FERRY3: variants seen among roughly 807,000 people sequenced by gnomAD.
The protein encoded by FERRY3 is FERRY endosomal RAB5 effector complex subunit 3.
chr12:4,515,396 A>C, the FERRY3 span, among the ~76,000 whole-genome samples: 2 of 152,240 alleles, frequency 1.3e-5, no homozygotes, highest in Non-Finnish European at 2.9e-5. Flanking sequence ...CACAATAATC[A>C]AGATACTAAA....
At chr12:4,497,953 T>C in the FERRY3 span, among the ~76,000 whole-genome samples, 1 of 152,206 alleles carries the variant, frequency 6.6e-6, no homozygotes, top group Admixed American at 6.5e-5. Context: ...ATTACCTCTA[T>C]ATCCTGTGTA....
chr12:4,523,447 A>G, the FERRY3 span, among the ~76,000 whole-genome samples: 2 of 152,242 alleles, frequency 1.3e-5, no homozygotes, highest in African/African-American at 4.8e-5. Context: ...TGACCCGGCC[A>G]TCCCATTACT....
At chr12:4,491,134 A>C in the FERRY3 span, 2 of 1,584,676 alleles carry the variant, frequency 1.3e-6, no homozygotes, top group South Asian at 2.2e-5. Flanking sequence ...AATGTTTGGG[A>C]GGAAATACAG....
the FERRY3 span, among the ~76,000 whole-genome samples, chr12:4,533,770 A>G: frequency 6.6e-6 from 1 of 152,242 alleles, no homozygotes; most frequent in African/African-American, 2.4e-5. Flanking sequence ...ACACTCACTT[A>G]AATTAGAATT....
the FERRY3 span, among the ~76,000 whole-genome samples, chr12:4,528,626 A>G: frequency 5.0e-4 from 76 of 152,276 alleles, no homozygotes; most frequent in African/African-American, 1.5e-3. Flanking sequence ...TAAGTGGTCC[A>G]GAGGAGTACA....
chr12:4,532,717 A>AT, the FERRY3 span, among the ~76,000 whole-genome samples: 2,140 of 151,358 alleles, frequency 0.014, 54 homozygotes, highest in African/African-American at 0.049. Context: ...CAATGTTTTC[A>AT]TTTTTTTTTA....
the FERRY3 span, among the ~76,000 whole-genome samples, chr12:4,501,282 C>G: frequency 2.0e-5 from 3 of 152,154 alleles, no homozygotes; most frequent in Admixed American, 1.3e-4. Flanking sequence ...ACTTGTCCAC[C>G]TACATACCAA....
the FERRY3 span, chr12:4,491,371 T>G: frequency 7.5e-6 from 5 of 667,038 alleles, no homozygotes; most frequent in South Asian, 1.1e-4. Flanking sequence ...CCAACTGGAT[T>G]TCCTCTAGTT....
chr12:4,500,055 T>C, the FERRY3 span: 1 of 1,326,428 alleles, frequency 7.5e-7, no homozygotes, highest in Non-Finnish European at 1.1e-6. Context: ...AAATGTAAAG[T>C]GGATTATTAT....
the FERRY3 span, among the ~76,000 whole-genome samples, chr12:4,527,926 T>G: frequency 6.6e-6 from 1 of 151,182 alleles, no homozygotes; most frequent in Non-Finnish European, 1.5e-5. Context: ...AAAAAAAGTA[T>G]GAATACCAGT....
chr12:4,537,159 A>T, the FERRY3 span, among the ~76,000 whole-genome samples: 2 of 152,030 alleles, frequency 1.3e-5, no homozygotes, highest in Admixed American at 1.3e-4. Context: ...TCAACACCAA[A>T]CTTCTCCTTC....
At chr12:4,510,948 T>C in the FERRY3 span, among the ~76,000 whole-genome samples, 3 of 152,094 alleles carry the variant, frequency 2.0e-5, no homozygotes, top group South Asian at 4.2e-4. Context: ...GACTGGCAAA[T>C]TGGATAAAGA....
chr12:4,521,058 AAAAAG>A, the FERRY3 span, among the ~76,000 whole-genome samples: 2 of 152,162 alleles, frequency 1.3e-5, no homozygotes, highest in Non-Finnish European at 1.5e-5. Flanking sequence ...ATCAGTTAAA[AAAAAG>A]AAAAGAAGAA....
At chr12:4,535,525 C>G in the FERRY3 span, among the ~76,000 whole-genome samples, 1 of 152,174 alleles carries the variant, frequency 6.6e-6, no homozygotes, top group Non-Finnish European at 1.5e-5. The surrounding 1 kb of genome is among the most constrained non-coding windows in gnomAD (Gnocchi z 4.0). Context: ...TAAATTTTTC[C>G]TAGACTGTGA....
At chr12:4,537,819 A>G in the FERRY3 span, among the ~76,000 whole-genome samples, 4 of 152,224 alleles carry the variant, frequency 2.6e-5, no homozygotes, top group African/African-American at 9.6e-5. Flanking sequence ...ATGATGTAGA[A>G]ATTTCATTCC....
the FERRY3 span, among the ~76,000 whole-genome samples, chr12:4,492,098 T>G: frequency 6.6e-6 from 1 of 152,196 alleles, no homozygotes; most frequent in Non-Finnish European, 1.5e-5. Context: ...CTTTTCTTTA[T>G]GTAGATTATA....
chr12:4,491,028 G>T, the FERRY3 span: 1 of 682,728 alleles, frequency 1.5e-6, no homozygotes, highest in Non-Finnish European at 2.5e-6. Context: ...AACTAAAAAA[G>T]TCTATTATGA....
At chr12:4,515,245 T>C in the FERRY3 span, among the ~76,000 whole-genome samples, 10 of 152,214 alleles carry the variant, frequency 6.6e-5, no homozygotes, top group African/African-American at 2.4e-4. Context: ...ACTTTTTCAA[T>C]AGCTTTAAAA....
At chr12:4,521,869 C>T in the FERRY3 span, among the ~76,000 whole-genome samples, 4 of 152,142 alleles carry the variant, frequency 2.6e-5, no homozygotes, top group Non-Finnish European at 5.9e-5. Context: ...TCTTTGTGAT[C>T]TTCCATTAGG....
Sources: gnomAD v4.1 joint callset for allele counts (sites outside exome capture counted in the v4.1 genomes callset) on GRCh38, gnomAD v4.1.1 for gene constraint, Gnocchi (gnomAD v3.1) non-coding constraint, MANE v1.5 for transcripts, NCBI Gene and HGNC (gene_info 2026-07-23, HGNC 2026-07-21) for gene names.